The following RYR2 variants were observed in gnomAD, a reference collection of about 807,000 sequenced individuals.
RYR2 encodes cardiac muscle ryanodine receptor-calcium release channel.
RYR2 carries 227 observed loss-of-function variants against 601.1 expected under a neutral mutation model. That is an observed-to-expected ratio of 0.38 (90% CI 0.34 to 0.42). The LOEUF is 0.42. Among genes scored for constraint, RYR2 ranks in the 10% least tolerant of loss-of-function variants. The probability of loss-of-function intolerance (pLI) is 1.00; values close to 1 mark genes in which losing one functional copy is unlikely to be tolerated. For missense variants in RYR2, 4,646 were observed against 6,156.5 expected, an observed-to-expected ratio of 0.75 and a Z score of 8.21; for synonymous variants, 2,223 against 2,175.1, an observed-to-expected ratio of 1.02 and a Z score of -0.61.
chr1:237,564,424 C>G (rs763618562), intron 27 of RYR2, among the ~76,000 whole-genome samples: 8 of 152,100 alleles, frequency 5.3e-5, no homozygotes, highest in Non-Finnish European at 1.2e-4. Flanking sequence ...CATATGCCAC[C>G]AGGCCCTGAT....
intron 1 of RYR2, among the ~76,000 whole-genome samples, chr1:237,263,451 A>T (rs1159632205): frequency 6.6e-6 from 1 of 152,212 alleles, no homozygotes; most frequent in Non-Finnish European, 1.5e-5. Flanking sequence ...AATGGACAGA[A>T]TTGGGTCTAA....
chr1:237,214,596 C>T (rs1043086060), intron 1 of RYR2, among the ~76,000 whole-genome samples: 1 of 152,146 alleles, frequency 6.6e-6, no homozygotes, highest in Non-Finnish European at 1.5e-5. Flanking sequence ...CAAACACTTC[C>T]TACCGGGTTC....
At chr1:237,230,859 G>T (rs1684912175) in intron 1 of RYR2, among the ~76,000 whole-genome samples, 1 of 146,234 alleles carries the variant, frequency 6.8e-6, no homozygotes, top group Non-Finnish European at 1.5e-5. Context: ...AATCTAGGAG[G>T]TGGGGCTTGC....
At chr1:237,165,322 T>G (rs1171892263) in intron 1 of RYR2, among the ~76,000 whole-genome samples, 1 of 152,160 alleles carries the variant, frequency 6.6e-6, no homozygotes, top group Non-Finnish European at 1.5e-5. Flanking sequence ...GTCTTAAGTG[T>G]TAATTAACAA....
chr1:237,818,914 A>C (rs1662130753), intron 100 of RYR2, 122 bp from the exon 101 acceptor site: 1 of 823,286 alleles, frequency 1.2e-6, no homozygotes, highest in Non-Finnish European at 1.9e-6. Context: ...AAGAGGCAAT[A>C]TAGAATGCAA....
chr1:237,503,402 G>C lies in RYR2; in HGVS notation c.2510G>C (p.Ser837Thr), dbSNP rs375607964. The C allele has an allele frequency of 6.8e-6, 11 of 1,613,930 alleles. No homozygotes were observed. The highest frequency in any genetic ancestry group is 8.5e-6 in the Non-Finnish European group (10 of 1,179,884). Residue 837 changes from serine to threonine, a missense_variant, in exon 22 of 105, where the codon AGC becomes ACC. Transcript: ENST00000366574. Reference protein sequence around the residue: ...LPKEKLKVEHSREYKQERTYT... With the variant: ...LPKEKLKVEHTREYKQERTYT... ...AAAGAAAAGTTGAAAGTGGAACACAGCCGAGAGTACAAGCAAGAAAGAACT... is the reference window on the plus strand; with the variant it reads ...AAAGAAAAGTTGAAAGTGGAACACACCCGAGAGTACAAGCAAGAAAGAACT...
At chr1:237,460,719 T>C (rs1286824393) in intron 16 of RYR2, among the ~76,000 whole-genome samples, 2 of 152,208 alleles carry the variant, frequency 1.3e-5, no homozygotes, top group Non-Finnish European at 2.9e-5. Flanking sequence ...GGTTCCTTTC[T>C]TGAAAAATAA....
Position 237,783,816 on chromosome 1 carries a change from A to G in RYR2, c.12104A>G (p.Tyr4035Cys). The change falls in exon 90 of 105, where the codon TAT (tyrosine) becomes TGT (cysteine). Residue 4035 changes from tyrosine (Y) to cysteine (C), a missense_variant. Around this residue, in one of 17 missense-constraint regions of RYR2, gnomAD observed 66 missense variants for 80.7 expected, o/e 0.82. Coordinates refer to ENST00000366574, the MANE Select transcript of RYR2 (RefSeq NM_001035.3). ...ACGTCGTCTGATACTTTTAAAGAAT[A>G]TGACCCCGATGGCAAGGGAGTCATT... ...DLTSSDTFKE[Y>C]DPDGKGVISK... The G allele has an allele frequency of 1.2e-6, 2 of 1,613,842 alleles. 1 individual carries two copies. The highest frequency in any genetic ancestry group is 3.3e-5 in the Admixed American group (2 of 60,010).
intron 1 of RYR2, among the ~76,000 whole-genome samples, chr1:237,044,504 A>G (rs904201903): frequency 2.6e-5 from 4 of 152,198 alleles, no homozygotes; most frequent in African/African-American, 9.6e-5. Context: ...CCTGTCAGCT[A>G]GAGCAGCACC....
intron 1 of RYR2, among the ~76,000 whole-genome samples, chr1:237,165,273 A>T (rs1336245273): frequency 6.6e-6 from 1 of 152,224 alleles, no homozygotes; most frequent in African/African-American, 2.4e-5. Flanking sequence ...ACTGAAAATC[A>T]GTAACGCTGT....
intron 17 of RYR2, among the ~76,000 whole-genome samples, chr1:237,476,747 C>T (rs1474557639): frequency 6.6e-6 from 1 of 152,012 alleles, no homozygotes; most frequent in African/African-American, 2.4e-5. Flanking sequence ...AGGAAGTTTT[C>T]CTCCTTGATA....
intron 3 of RYR2, 102 bp from the exon 4 acceptor site, chr1:237,355,863 G>A (rs1466196481): frequency 2.0e-6 from 2 of 1,005,922 alleles, no homozygotes; most frequent in Non-Finnish European, 3.0e-6. Flanking sequence ...GTAGATTGTG[G>A]TGCAAGGACC....
In RYR2 at chr1:237,707,026, G is replaced by A; in HGVS notation, c.9658G>A (p.Glu3220Lys). The part of the protein sequence containing the change: ...SLEKLMEEIV[E>K]LAESGIRYTQ... The stretch of plus-strand genomic sequence containing the variant: ...GGAGAAACTCATGGAAGAAATCGTG[G>A]AATTAGCCGAGTCCGGCATTCGCTA... The change falls in exon 68 of 105, where the codon GAA (glutamate) becomes AAA (lysine). Residue 3220 changes from glutamate to lysine, a missense_variant. By Grantham distance (56) the Glu-to-Lys change is moderately conservative. Around this residue, in one of 17 missense-constraint regions of RYR2, gnomAD observed 1,497 missense variants for 1,842.6 expected, o/e 0.81. Transcript: ENST00000366574. The A allele has an allele frequency of 6.2e-7, 1 of 1,613,908 alleles. No homozygotes were observed. The highest frequency in any genetic ancestry group is 8.5e-7 in the Non-Finnish European group (1 of 1,179,856).
At chr1:237,619,457 A>G (rs1678834559) in intron 38 of RYR2, among the ~76,000 whole-genome samples, 1 of 152,234 alleles carries the variant, frequency 6.6e-6, no homozygotes, top group Non-Finnish European at 1.5e-5. Context: ...AGAGAGGGTG[A>G]TATCAACTAC....
At chr1:237,213,038 C>T (rs1376145382) in intron 1 of RYR2, among the ~76,000 whole-genome samples, 2 of 152,110 alleles carry the variant, frequency 1.3e-5, no homozygotes, top group African/African-American at 2.4e-5. Context: ...TCTCAAAGTG[C>T]TGGGATTACA....
At chr1:237,606,667 A>T (rs1001213073) in intron 35 of RYR2, among the ~76,000 whole-genome samples, 16 of 152,200 alleles carry the variant, frequency 1.1e-4, no homozygotes, top group African/African-American at 3.6e-4. Context: ...GCATTTTTGC[A>T]ATCTTCTCAT....
At chr1:237,504,256 C>T (rs538764338) in intron 22 of RYR2, among the ~76,000 whole-genome samples, 5 of 152,214 alleles carry the variant, frequency 3.3e-5, no homozygotes, top group African/African-American at 9.6e-5. Flanking sequence ...GGGCTGAGTC[C>T]GAAAAGAGAG....
chr1:237,520,262 AG>A, intron 24 of RYR2, among the ~76,000 whole-genome samples: 1 of 152,308 alleles, frequency 6.6e-6, no homozygotes, highest in East Asian at 1.9e-4. Context: ...AAGGATAATT[AG>A]ACTTCATTTT....
intron 29 of RYR2, among the ~76,000 whole-genome samples, chr1:237,571,736 C>T (rs937565469): frequency 1.3e-5 from 2 of 152,090 alleles, no homozygotes; most frequent in Non-Finnish European, 1.5e-5. Flanking sequence ...ACATCATTTC[C>T]CTAACACAGA....
Sources: gnomAD v4.1 joint callset for allele counts (sites outside exome capture counted in the v4.1 genomes callset) on GRCh38, gnomAD v4.1.1 for gene constraint, gnomAD v4.1.1 regional missense constraint, MANE v1.5 for transcripts, NCBI Gene and HGNC (gene_info 2026-07-23, HGNC 2026-07-21) for gene names.